Variants in GPAM observed in about 807,000 individuals in gnomAD.
GPAM encodes the protein glycerol-3-phosphate acyltransferase 1, mitochondrial.
A neutral mutation model predicts 105.0 loss-of-function variants in GPAM; 56 were observed. That is an observed-to-expected ratio of 0.53 (90% CI 0.43 to 0.67). The LOEUF is 0.67. GPAM is among the 30% of genes least tolerant of loss of function. The pLI is 0.00. For missense variants in GPAM, 855 were observed against 989.8 expected (o/e 0.86, Z 1.83); for synonymous variants, 368 against 354.4 (o/e 1.04, Z -0.43).
At chr10:112,225,273 T>C in the GPAM span, among the ~76,000 whole-genome samples, 2 of 152,284 alleles carry the variant, frequency 1.3e-5, no homozygotes, top group African/African-American at 4.8e-5. Flanking sequence ...AGCCCAGCAC[T>C]GGATAAGCCC....
At chr10:112,190,433 A>C (rs1214137470) in intron 1 of GPAM, among the ~76,000 whole-genome samples, 1 of 151,596 alleles carries the variant, frequency 6.6e-6, no homozygotes, top group Non-Finnish European at 1.5e-5. Flanking sequence ...TGAACCCAGG[A>C]GCCAGAGAGT....
Position 112,153,444 on chromosome 10 carries a change from G to C in GPAM, c.*106C>G. On this transcript the variant is annotated 3_prime_UTR_variant, in exon 22 of 22. Transcript: ENST00000348367. ...TCTTCCAGGAGATCACTTCGGGACA[G>C]GGCAGGCCTGACCCTGCGATGGCAC... 2 of 1,600,534 alleles carry C rather than the reference G, an allele frequency of 1.2e-6. No homozygotes were observed. Among genetic ancestry groups the C allele is most frequent in the Non-Finnish European group, 1.7e-6 (2 of 1,176,470 alleles).
intron 21 of GPAM, chr10:112,153,869 A>AT (rs3052610): frequency 4.6e-3 from 2,127 of 462,198 alleles, no homozygotes; most frequent in Middle Eastern, 8.2e-3. Context: ...TTCTTTTTCT[A>AT]TTTTTTTTTT....
Position 112,172,077 on chromosome 10 carries a change from C to T in GPAM, c.794+105G>A. ...CACTTTTATAATAAAAGAAAAAAGG[C>T]TAATGTCATCTTTACAATAACATAT... On this transcript the variant is annotated intron_variant, in intron 9 of 21. Coordinates refer to ENST00000348367, the MANE Select transcript of GPAM (RefSeq NM_001244949.2). The T allele has an allele frequency of 3.5e-6, 3 of 858,628 alleles. No homozygotes were observed. The South Asian group carries it at 4.5e-5, about 13-fold the overall frequency. 53.2% of individuals were successfully genotyped at this position (858,628 alleles called of 1,614,324 possible).
At chr10:112,212,060 T>C (rs1847917007) in intron 1 of GPAM, among the ~76,000 whole-genome samples, 1 of 152,154 alleles carries the variant, frequency 6.6e-6, no homozygotes, top group Non-Finnish European at 1.5e-5. Flanking sequence ...AGGTGCCCCG[T>C]CTTGCCTAAT....
rs1290960169 is a variant in GPAM, at chr10:112,168,349, T to C, written c.1070A>G (p.Asp357Gly). ...ILIIPVGISY[D>G]RIIEGHYNGE... The stretch of plus-strand genomic sequence containing the variant: ...ATTGTAGTGACCTTCGATAATGCGA[T>C]CATAGGAGATTCCAACAGGTATTAT... Residue 357 changes from aspartate to glycine, a missense_variant, in exon 11 of 22, where the codon GAT becomes GGT. Physicochemically the swap from Asp to Gly is moderately conservative, Grantham distance 94. Coordinates refer to ENST00000348367, the MANE Select transcript of GPAM (RefSeq NM_001244949.2). 6.2e-7 allele frequency: 1 copy of C among 1,609,620 alleles called. No homozygotes were observed. Among genetic ancestry groups the C allele is most frequent in the African/African-American group, 1.3e-5 (1 of 74,824 alleles).
the GPAM span, among the ~76,000 whole-genome samples, chr10:112,220,767 T>A: frequency 6.6e-6 from 1 of 152,116 alleles, no homozygotes; most frequent in Non-Finnish European, 1.5e-5. Flanking sequence ...TACCCAATGA[T>A]GTGTACCATT....
chr10:112,215,172 A>G (rs1847955303), exon 1 of GPAM: 1 of 152,204 alleles, frequency 6.6e-6, no homozygotes, highest in Non-Finnish European at 1.5e-5. Context: ...AAATACCTGT[A>G]TCCTTGACTT....
At chr10:112,224,483 C>G in the GPAM span, among the ~76,000 whole-genome samples, 1 of 152,158 alleles carries the variant, frequency 6.6e-6, no homozygotes, top group East Asian at 1.9e-4. Flanking sequence ...ATTTCCTCCA[C>G]TGCAAGACAC....
intron 14 of GPAM, 122 bp from the exon 15 acceptor site, chr10:112,161,859 C>G (rs893965142): frequency 4.0e-6 from 3 of 755,204 alleles, no homozygotes; most frequent in African/African-American, 3.4e-5. Flanking sequence ...ATCACATTTC[C>G]CATAAGTGTG....
intron 4 of GPAM, 85 bp downstream of exon 4, chr10:112,180,388 T>C (rs1847485886): frequency 1.5e-6 from 2 of 1,291,294 alleles, no homozygotes; most frequent in Admixed American, 1.7e-5. Flanking sequence ...TGAAAGTGAA[T>C]TTAGTCCAAT....
At chr10:112,158,276 G>GT in intron 18 of GPAM, 40 bp downstream of exon 18, 1 of 1,133,560 alleles carries the variant, frequency 8.8e-7, no homozygotes, top group Middle Eastern at 1.9e-4. Context: ...GGAATGAAGA[G>GT]TAAGTATAAA....
At chr10:112,195,613 CTAAA>C (rs1847714262) in intron 1 of GPAM, among the ~76,000 whole-genome samples, 1 of 152,232 alleles carries the variant, frequency 6.6e-6, no homozygotes, top group Non-Finnish European at 1.5e-5. Flanking sequence ...ATAATTATAA[CTAAA>C]TACTTAATTG....
intron 9 of GPAM, among the ~76,000 whole-genome samples, chr10:112,171,641 C>T (rs897171267): frequency 3.3e-5 from 5 of 152,184 alleles, no homozygotes; most frequent in South Asian, 4.1e-4. Context: ...TGTATCTCTC[C>T]GCATTTGCAC....
At chr10:112,161,562 G>C (rs759286931) in intron 15 of GPAM, 105 bp downstream of exon 15, 11 of 831,450 alleles carry the variant, frequency 1.3e-5, no homozygotes, top group Non-Finnish European at 2.3e-5. Context: ...TTACCTCATA[G>C]TACTAGCCAT....
At chr10:112,177,550 T>A (rs561832699) in intron 5 of GPAM, among the ~76,000 whole-genome samples, 2 of 152,324 alleles carry the variant, frequency 1.3e-5, no homozygotes, top group East Asian at 3.9e-4. Flanking sequence ...GGGTAAATAG[T>A]AACTCAAACA....
In GPAM at chr10:112,153,217, A is replaced by C; in HGVS notation, c.*333T>G. On this transcript the variant is annotated 3_prime_UTR_variant, in exon 22 of 22. Transcript: ENST00000348367. Reference sequence around the variant, plus strand: ...AGAACACAGCTACATTTCTGTGTCCATCACAGTAATTAGTCCTTAAAAGTT... The same window carrying C: ...AGAACACAGCTACATTTCTGTGTCCCTCACAGTAATTAGTCCTTAAAAGTT... The C allele has an allele frequency of 8.7e-7, 1 of 1,153,598 alleles. No individual in the cohort carries two copies. The highest frequency in any genetic ancestry group is 1.1e-6 in the Non-Finnish European group (1 of 926,038). 71.5% of individuals were successfully genotyped at this position (1,153,598 alleles called of 1,614,324 possible). A position where few individuals can be genotyped will look rare whatever the true frequency, so the allele number is the denominator to read the frequency against.
chr10:112,153,059 C>G lies in GPAM; in HGVS notation c.*491G>C. The G allele has an allele frequency of 5.4e-6, 5 of 932,704 alleles. No individual in the cohort carries two copies. The highest frequency in any genetic ancestry group is 6.5e-6 in the Non-Finnish European group (5 of 773,712). The allele number at this position is 932,704 out of a possible 1,614,324, so 57.8% of individuals were successfully genotyped here. A position where few individuals can be genotyped will look rare whatever the true frequency, so the allele number is the denominator to read the frequency against. On this transcript the variant is annotated 3_prime_UTR_variant, in exon 22 of 22. Coordinates refer to ENST00000348367, the MANE Select transcript of GPAM (RefSeq NM_001244949.2). Reference sequence around the variant, plus strand: ...GGTGCTCCCATTAAAAATGTAGCTACTATTGACAGATAAAACTGAAAAAGA... The same window carrying G: ...GGTGCTCCCATTAAAAATGTAGCTAGTATTGACAGATAAAACTGAAAAAGA...
chr10:112,195,531 C>T (rs1382195260), intron 1 of GPAM, among the ~76,000 whole-genome samples: 4 of 152,202 alleles, frequency 2.6e-5, no homozygotes. Flanking sequence ...CTCACCGCCT[C>T]ATGAAAATTT....
Sources: allele counts gnomAD v4.1 joint callset (sites outside exome capture counted in the v4.1 genomes callset), GRCh38; gene constraint gnomAD v4.1.1; transcripts MANE v1.5; gene names NCBI Gene and HGNC (gene_info 2026-07-23, HGNC 2026-07-21).